SUGCT: variants seen among roughly 807,000 people sequenced by gnomAD.
SUGCT encodes succinyl-CoA:glutarate CoA-transferase.
SUGCT carries 41 observed loss-of-function variants against 55.0 expected under a neutral mutation model. The ratio of observed to expected loss-of-function variants is 0.74; its 90% confidence interval spans 0.58 to 0.97. The LOEUF (loss-of-function observed/expected upper bound fraction) is 0.97. Among genes scored for constraint, SUGCT ranks in the 50% least tolerant of loss-of-function variants. SUGCT has a pLI of 0.00. For missense variants in SUGCT, 568 were observed against 547.8 expected (o/e 1.04, Z -0.37); for synonymous variants, 187 against 200.4 (o/e 0.93, Z 0.56).
chr7:40,371,938 C>T (rs918830400), intron 9 of SUGCT, among the ~76,000 whole-genome samples: 1 of 147,200 alleles, frequency 6.8e-6, no homozygotes, highest in African/African-American at 2.5e-5. Context: ...TATGTATATA[C>T]ATCTCGAACA....
intron 12 of SUGCT, among the ~76,000 whole-genome samples, chr7:40,686,107 G>A (rs1784450899): frequency 6.6e-6 from 1 of 152,122 alleles, no homozygotes; most frequent in Non-Finnish European, 1.5e-5. Context: ...TTTTACCTGA[G>A]TAAATGTGGT....
intron 12 of SUGCT, among the ~76,000 whole-genome samples, chr7:40,580,776 T>A (rs1322258915): frequency 6.6e-6 from 1 of 152,210 alleles, no homozygotes; most frequent in Non-Finnish European, 1.5e-5. Flanking sequence ...TGTACTTTTT[T>A]ATGTTTAGAT....
the SUGCT span, among the ~76,000 whole-genome samples, chr7:41,004,424 G>A: frequency 6.6e-6 from 1 of 152,192 alleles, no homozygotes; most frequent in African/African-American, 2.4e-5. Context: ...GCAATCCTAA[G>A]CAGGGTGGGC....
intron 7 of SUGCT, among the ~76,000 whole-genome samples, chr7:40,270,168 A>C (rs1428953161): frequency 6.6e-6 from 1 of 151,402 alleles, no homozygotes; most frequent in Non-Finnish European, 1.5e-5. Context: ...AATTCTGTAC[A>C]AATTTCTTAT....
intron 9 of SUGCT, among the ~76,000 whole-genome samples, chr7:40,360,849 A>C (rs748283554): frequency 6.6e-6 from 1 of 152,146 alleles, no homozygotes; most frequent in Non-Finnish European, 1.5e-5. Flanking sequence ...AATATTAATA[A>C]AATTTTGACA....
At chr7:40,672,312 C>T (rs1003559553) in intron 12 of SUGCT, among the ~76,000 whole-genome samples, 1 of 152,024 alleles carries the variant, frequency 6.6e-6, no homozygotes, top group Non-Finnish European at 1.5e-5. Context: ...TGAATTTCAT[C>T]AAAATTAAGA....
At chr7:40,884,508 T>G in the SUGCT span, among the ~76,000 whole-genome samples, 1 of 152,186 alleles carries the variant, frequency 6.6e-6, no homozygotes, top group Non-Finnish European at 1.5e-5. Flanking sequence ...AGATGCTCCT[T>G]GCTTGGCTAA....
chr7:40,789,895 C>T (rs1017624214), intron 13 of SUGCT, among the ~76,000 whole-genome samples: 6 of 152,082 alleles, frequency 3.9e-5, no homozygotes, highest in African/African-American at 1.4e-4. Context: ...GGGGGAGTCT[C>T]AGAAGGGTTA....
intron 9 of SUGCT, among the ~76,000 whole-genome samples, chr7:40,428,586 T>C (rs1314800670): frequency 6.6e-6 from 1 of 151,820 alleles, no homozygotes; most frequent in Non-Finnish European, 1.5e-5. Context: ...AACATAGCAA[T>C]ACATTTTAAG....
At chr7:40,340,703 A>C (rs1482931025) in intron 9 of SUGCT, among the ~76,000 whole-genome samples, 1 of 152,240 alleles carries the variant, frequency 6.6e-6, no homozygotes, top group Non-Finnish European at 1.5e-5. Context: ...CAGTCCGGCT[A>C]TAAAGGAATT....
chr7:40,793,834 ATTATC>A (rs1362399822), intron 13 of SUGCT, among the ~76,000 whole-genome samples: 2 of 151,970 alleles, frequency 1.3e-5, no homozygotes, highest in African/African-American at 4.8e-5. Flanking sequence ...AAGTCTGATT[ATTATC>A]TTCAGTTCTG....
chr7:40,439,734 C>G (rs890831000), intron 9 of SUGCT, among the ~76,000 whole-genome samples: 1 of 152,156 alleles, frequency 6.6e-6, no homozygotes, highest in South Asian at 2.1e-4. Flanking sequence ...GAGTCCTCCT[C>G]GACATGGGAA....
the SUGCT span, among the ~76,000 whole-genome samples, chr7:40,906,454 A>T: frequency 6.6e-6 from 1 of 152,216 alleles, no homozygotes; most frequent in Non-Finnish European, 1.5e-5. Flanking sequence ...GTAATTTTTT[A>T]TTGTCCTGAC....
At chr7:40,508,738 C>T (rs1792755165) in intron 12 of SUGCT, among the ~76,000 whole-genome samples, 2 of 152,114 alleles carry the variant, frequency 1.3e-5, no homozygotes, top group African/African-American at 4.8e-5. Context: ...AGAAAAATTG[C>T]TGTTTTGCTA....
chr7:40,567,058 A>G (rs1796196324), intron 12 of SUGCT, among the ~76,000 whole-genome samples: 1 of 152,228 alleles, frequency 6.6e-6, no homozygotes, highest in Non-Finnish European at 1.5e-5. Context: ...ACACAATTCA[A>G]ATAATCTCCT....
chr7:40,665,909 ATATATACT>A (rs1049714998), intron 12 of SUGCT, among the ~76,000 whole-genome samples: 2 of 152,162 alleles, frequency 1.3e-5, no homozygotes, highest in Admixed American at 6.5e-5. Flanking sequence ...ATGAGAAGAA[ATATATACT>A]TATATATAAT....
intron 12 of SUGCT, among the ~76,000 whole-genome samples, chr7:40,666,375 G>GAAGGAAGA (rs1801636091): frequency 7.0e-6 from 1 of 142,010 alleles, no homozygotes; most frequent in Non-Finnish European, 1.5e-5. Context: ...AGGAAGGAAG[G>GAAGGAAGA]AAGGAAGGAA....
intron 9 of SUGCT, among the ~76,000 whole-genome samples, chr7:40,419,170 A>T (rs1016806777): frequency 6.6e-6 from 1 of 152,200 alleles, no homozygotes; most frequent in Non-Finnish European, 1.5e-5. Flanking sequence ...GGCAAAGTTC[A>T]TGTTTACATA....
chr7:40,456,309 G>A (rs968302759), intron 10 of SUGCT, among the ~76,000 whole-genome samples: 13 of 152,166 alleles, frequency 8.5e-5, no homozygotes, highest in African/African-American at 2.9e-4. Context: ...TTATAGGCAT[G>A]AGCCACCGCC....
Sources: allele counts gnomAD v4.1 joint callset (sites outside exome capture counted in the v4.1 genomes callset), GRCh38; gene constraint gnomAD v4.1.1; transcripts MANE v1.5; gene names NCBI Gene and HGNC (gene_info 2026-07-23, HGNC 2026-07-21).